Variants in SMOX observed in about 807,000 individuals in gnomAD.
The protein encoded by SMOX is flavin containing amine oxidase.
Under a neutral mutation model 51.0 loss-of-function variants are expected in SMOX, and 22 were observed. The ratio of observed to expected loss-of-function variants is 0.43; its 90% CI spans 0.31 to 0.62. The LOEUF (loss-of-function observed/expected upper bound fraction) is 0.62. SMOX is among the 20% of genes least tolerant of loss of function. The pLI, the probability that SMOX is intolerant of heterozygous loss-of-function variation, is 0.10. For missense variants in SMOX, 566 were observed against 777.7 expected (o/e 0.73, Z 3.24); for synonymous variants, 282 against 307.8 (o/e 0.92, Z 0.88).
rs1483896040 is a variant in SMOX at position 4,183,378 on chromosome 20, A to G, written c.1370-116A>G. On this transcript the variant is annotated intron_variant, in intron 5 of 6. Coordinates refer to ENST00000305958, the MANE Select transcript of SMOX (RefSeq NM_175839.3). The surrounding 1 kb of genome is among the most constrained non-coding windows in gnomAD (Gnocchi z 4.3). ...TCTATCCTCCGTGCCTACCCCTGGC[A>G]GTCTGGTCCTCCCGGAGCCCTGGAG... The G allele has an allele frequency of 1.4e-6, 2 of 1,470,326 alleles. No homozygotes were observed. Among genetic ancestry groups the G allele is most frequent in the Admixed American group, 1.7e-5 (1 of 59,574 alleles). The allele number at this position is 1,470,326 out of a possible 1,614,324, so 91.1% of individuals were successfully genotyped here. A position where few individuals can be genotyped will look rare whatever the true frequency, so the allele number is the denominator to read the frequency against.
chr20:4,180,363 C>T (rs1979230299), intron 3 of SMOX, among the ~76,000 whole-genome samples: 1 of 152,138 alleles, frequency 6.6e-6, no homozygotes, highest in African/African-American at 2.4e-5. Flanking sequence ...ACCCTGTGGC[C>T]CCAGGGCCTA....
At position 4,158,001 on chromosome 20, in the gene SMOX, C is replaced by T. The variant is rs377216170; in HGVS notation, c.-27+9024C>T. Among the ~76,000 whole-genome samples the T allele has an allele frequency of 4.7e-3, 718 of 151,838 alleles. 3 individuals are homozygous for T. The highest frequency in any genetic ancestry group is 6.4e-3 in the Non-Finnish European group (434 of 67,926). On this transcript the variant is annotated intron_variant, in intron 1 of 6. Coordinates refer to ENST00000305958, the MANE Select transcript of SMOX (RefSeq NM_175839.3). The stretch of plus-strand genomic sequence containing the variant: ...CTGCAACCTCCGCCTCCCGGGTTCA[C>T]GCCATTCTCCTGCCTCAGCCTCCCG...
intron 3 of SMOX, among the ~76,000 whole-genome samples, chr20:4,179,003 C>A (rs1312879980): frequency 6.6e-6 from 1 of 152,186 alleles, no homozygotes; most frequent in Non-Finnish European, 1.5e-5. Context: ...TTTCTAATCT[C>A]TTGGGCATGA....
chr20:4,158,056 A>G (rs1055922982), intron 1 of SMOX, among the ~76,000 whole-genome samples: 5 of 149,062 alleles, frequency 3.4e-5, no homozygotes, highest in African/African-American at 9.9e-5. Flanking sequence ...GCCCGCCACC[A>G]CGCCCGGCTA....
intron 3 of SMOX, among the ~76,000 whole-genome samples, chr20:4,180,654 G>T (rs991229842): frequency 2.0e-5 from 3 of 152,122 alleles, no homozygotes; most frequent in Admixed American, 6.5e-5. Context: ...TCCAAAGTCG[G>T]CTCTCAGATC....
chr20:4,173,635 T>TA (rs1301374779), intron 1 of SMOX, among the ~76,000 whole-genome samples: 2 of 152,202 alleles, frequency 1.3e-5, no homozygotes, highest in Non-Finnish European at 2.9e-5. Flanking sequence ...TGCGCAGCTT[T>TA]ATTAGGTACG....
At chr20:4,163,766 G>A (rs570941806) in intron 1 of SMOX, among the ~76,000 whole-genome samples, 41 of 152,254 alleles carry the variant, frequency 2.7e-4, no homozygotes, top group African/African-American at 5.1e-4. Context: ...GCTCAGTTCC[G>A]TGCCCTGTGG....
intron 1 of SMOX, among the ~76,000 whole-genome samples, chr20:4,171,383 C>T (rs1340750067): frequency 2.0e-5 from 3 of 152,212 alleles, no homozygotes; most frequent in African/African-American, 7.2e-5. Flanking sequence ...ATTTAGCACA[C>T]AGTAGGTGTC....
rs145014650 is a variant in SMOX, at chr20:4,182,380, C to T, written c.901C>T (p.Arg301Trp). 1.8e-5 allele frequency: 29 copies of T among 1,595,992 alleles called. No individual in the cohort carries two copies. In the East Asian group the frequency reaches 2.5e-4, roughly 14 times the overall value. ...GEGGQGGEEP[R>W]GGRWDEDEQW... ...GGGTGGCCAGGGTGGAGAGGAGCCC[C>T]GGGGGGGCAGGTGGGATGAGGATGA... The change falls in exon 5 of 7, where the codon CGG becomes TGG. Residue 301 changes from arginine (R) to tryptophan (W), a missense_variant. Around this residue, in one of 3 missense-constraint regions of SMOX, gnomAD observed 347 missense variants for 481.8 expected, o/e 0.72. Coordinates refer to ENST00000305958, the MANE Select transcript of SMOX (RefSeq NM_175839.3). The surrounding 1 kb of genome is among the most constrained non-coding windows in gnomAD (Gnocchi z 8.4).
chr20:4,182,177 ACAT>A lies in SMOX; in HGVS notation c.703_705del (p.Ile235del), dbSNP rs779008573. The A allele has an allele frequency of 6.2e-7, 1 of 1,613,500 alleles. No homozygotes were observed. Among genetic ancestry groups the A allele is most frequent in the Non-Finnish European group, 8.5e-7 (1 of 1,179,964 alleles). On this transcript the variant is annotated inframe_deletion, in exon 5 of 7. Coordinates refer to ENST00000305958, the MANE Select transcript of SMOX (RefSeq NM_175839.3). The surrounding 1 kb of genome is among the most constrained non-coding windows in gnomAD (Gnocchi z 8.4). ...TGGACCGAGATCCCCGGCGCTCACCACATCATCCCCTCGGGCTTCATGCGGGTT... is the reference window on the plus strand; with the variant it reads ...TGGACCGAGATCCCCGGCGCTCACCACATCCCCTCGGGCTTCATGCGGGTT...
At chr20:4,174,434 C>T (rs1978667164) in intron 1 of SMOX, among the ~76,000 whole-genome samples, 1 of 151,524 alleles carries the variant, frequency 6.6e-6, no homozygotes, top group East Asian at 1.9e-4. Flanking sequence ...AGGCAAGTGT[C>T]CTGGGGTCTG....
Position 4,166,335 on chromosome 20 carries a change from G to T in SMOX, c.-26-8695G>T, listed in dbSNP as rs557602595. On this transcript the variant is annotated intron_variant, in intron 1 of 6. Coordinates refer to ENST00000305958, the MANE Select transcript of SMOX (RefSeq NM_175839.3). This position sits in a 1 kb window ranked among gnomAD's most constrained non-coding sequence, Gnocchi z 4.2. ...AAGGCCCTCAGTGAGCTTTCGGAAAGACCCTGCCCTTTGTCTGACTTCTTT... is the reference window on the plus strand; with the variant it reads ...AAGGCCCTCAGTGAGCTTTCGGAAATACCCTGCCCTTTGTCTGACTTCTTT... 6.6e-6 allele frequency among the ~76,000 whole-genome samples: 1 copy of T among 152,162 alleles called. No homozygotes were observed.
At chr20:4,168,173 C>T (rs1986653867) in intron 1 of SMOX, among the ~76,000 whole-genome samples, 1 of 152,086 alleles carries the variant, frequency 6.6e-6, no homozygotes, top group African/African-American at 2.4e-5. Flanking sequence ...CTGCTGCCCT[C>T]AGGGACCAGA....
intron 1 of SMOX, among the ~76,000 whole-genome samples, chr20:4,155,630 A>G (rs1001001982): frequency 5.3e-5 from 8 of 152,146 alleles, no homozygotes; most frequent in African/African-American, 1.7e-4. Context: ...TAAAGTTAAT[A>G]TTAAAACTCA....
chr20:4,164,091 T>C (rs1986449952), intron 1 of SMOX, among the ~76,000 whole-genome samples: 1 of 152,076 alleles, frequency 6.6e-6, no homozygotes, highest in African/African-American at 2.4e-5. Context: ...CCAAGTAGGA[T>C]AGTGGGGTGA....
rs748671422 is a variant in SMOX, at chr20:4,182,239, G to T, written c.760G>T (p.Val254Phe). ...ELLAEGIPAHVIQLGKPVRCI... is the reference protein window; with the variant it reads ...ELLAEGIPAHFIQLGKPVRCI... Reference sequence around the variant, plus strand: ...GCTGGCGGAGGGCATCCCTGCCCACGTCATCCAGCTAGGGAAACCTGTCCG... The same window carrying T: ...GCTGGCGGAGGGCATCCCTGCCCACTTCATCCAGCTAGGGAAACCTGTCCG... Residue 254 changes from valine to phenylalanine, a missense_variant, in exon 5 of 7, where the codon GTC (valine) becomes TTC (phenylalanine). Physicochemically the swap from Val to Phe is conservative, Grantham distance 50. This residue lies in a region of SMOX where 347 missense variants were observed against 481.8 expected (regional missense o/e 0.72). Transcript: ENST00000305958. The surrounding 1 kb of genome is among the most constrained non-coding windows in gnomAD (Gnocchi z 8.4). 1 of 1,613,622 alleles carries T rather than the reference G, an allele frequency of 6.2e-7. No individual in the cohort carries two copies. The highest frequency in any genetic ancestry group is 1.3e-5 in the African/African-American group (1 of 75,022).
Position 4,183,216 on chromosome 20 carries a change from G to A in SMOX, c.1370-278G>A, listed in dbSNP as rs188057120. Reference sequence around the variant, plus strand: ...CCAGGAGGACCTCACGAGAACCCCCGATATTAGGCGGGGAAACATGATTAT... The same window carrying A: ...CCAGGAGGACCTCACGAGAACCCCCAATATTAGGCGGGGAAACATGATTAT... On this transcript the variant is annotated intron_variant, in intron 5 of 6. Transcript: ENST00000305958. The surrounding 1 kb of genome is among the most constrained non-coding windows in gnomAD (Gnocchi z 4.3). 26 of 572,310 alleles carry A rather than the reference G, an allele frequency of 4.5e-5. No individual in the cohort carries two copies. The South Asian group carries it at 5.0e-4, about 11-fold the overall frequency. The allele number at this position is 572,310 out of a possible 1,614,324, so 35.5% of individuals were successfully genotyped here. A position where few individuals can be genotyped will look rare whatever the true frequency, so the allele number is the denominator to read the frequency against.
Position 4,149,878 on chromosome 20 carries a change from G to A in SMOX, c.-27+901G>A, listed in dbSNP as rs991797667. 2.0e-5 allele frequency among the ~76,000 whole-genome samples: 3 copies of A among 152,088 alleles called. No individual in the cohort carries two copies. Among genetic ancestry groups the A allele is most frequent in the African/African-American group, 4.8e-5 (2 of 41,408 alleles). On this transcript the variant is annotated intron_variant, in intron 1 of 6. Transcript: ENST00000305958. The surrounding 1 kb of genome is among the most constrained non-coding windows in gnomAD (Gnocchi z 6.0). ...TTGGAGCCAGCAGTAGGTGCCCTGG[G>A]GTTACCGGGAGCGACGCGGGCCGGG...
intron 1 of SMOX, among the ~76,000 whole-genome samples, chr20:4,164,561 T>A (rs1489194317): frequency 6.6e-6 from 1 of 152,228 alleles, no homozygotes; most frequent in Non-Finnish European, 1.5e-5. Flanking sequence ...TCCCAAAGGA[T>A]AGGACTATTT....
Sources: allele counts gnomAD v4.1 joint callset (sites outside exome capture counted in the v4.1 genomes callset), GRCh38; gene constraint gnomAD v4.1.1; regional missense constraint gnomAD v4.1.1; non-coding constraint Gnocchi (gnomAD v3.1); transcripts MANE v1.5; gene names NCBI Gene and HGNC (gene_info 2026-07-23, HGNC 2026-07-21).